Variants in HEATR4 observed in about 807,000 individuals in gnomAD.
HEATR4 encodes HEAT repeat containing 4.
Under a neutral mutation model 108.8 loss-of-function variants are expected in HEATR4, and 95 were observed. The ratio of observed to expected loss-of-function variants is 0.87; its 90% CI spans 0.74 to 1.04. The LOEUF (loss-of-function observed/expected upper bound fraction) is 1.04. Ranked by LOEUF, HEATR4 falls within the 50% of genes least tolerant of loss-of-function variation. The pLI, the probability that HEATR4 is intolerant of heterozygous loss-of-function variation, is 0.00. For missense variants in HEATR4, 1,152 were observed against 1,253.8 expected (o/e 0.92, Z 1.23); for synonymous variants, 443 against 459.4 (o/e 0.96, Z 0.46).
At chr14:73,510,758 T>G (rs1280478973) in intron 7 of HEATR4, among the ~76,000 whole-genome samples, 1 of 152,150 alleles carries the variant, frequency 6.6e-6, no homozygotes, top group Admixed American at 6.5e-5. Flanking sequence ...CTTGAGGCTG[T>G]CTTGAGCATT....
At chr14:73,580,994 A>G in the HEATR4 span, 1 of 152,032 alleles carries the variant, frequency 6.6e-6, no homozygotes, top group Non-Finnish European at 1.5e-5. Flanking sequence ...TGGCCTCTCA[A>G]AGTGCTGGGA....
At chr14:73,542,556 C>T (rs1889123318) in intron 1 of HEATR4, among the ~76,000 whole-genome samples, 1 of 106,406 alleles carries the variant, frequency 9.4e-6, no homozygotes, top group Non-Finnish European at 2.0e-5. Context: ...AGGCGCATGC[C>T]ACTTCTGCCT....
chr14:73,501,715 C>A (rs1886475501), intron 11 of HEATR4, among the ~76,000 whole-genome samples: 2 of 151,804 alleles, frequency 1.3e-5, no homozygotes, highest in Middle Eastern at 3.4e-3. Context: ...GCTGGGACTA[C>A]AGGCATACAC....
intron 7 of HEATR4, among the ~76,000 whole-genome samples, chr14:73,511,365 A>C (rs1411031653): frequency 2.0e-5 from 3 of 151,648 alleles, no homozygotes; most frequent in Admixed American, 2.0e-4. Context: ...ATACAAAAAA[A>C]TGAGCTGGGC....
chr14:73,556,697 G>T (rs1889402030), intron 1 of HEATR4, among the ~76,000 whole-genome samples: 1 of 114,672 alleles, frequency 8.7e-6, no homozygotes, highest in African/African-American at 2.8e-5. Flanking sequence ...TCTGAAAATT[G>T]AGTCTGATAC....
At chr14:73,571,932 T>C in the HEATR4 span, among the ~76,000 whole-genome samples, 2 of 151,802 alleles carry the variant, frequency 1.3e-5, no homozygotes, top group African/African-American at 2.4e-5. Context: ...ATGATGCTTA[T>C]CCTTATTAAT....
the HEATR4 span, among the ~76,000 whole-genome samples, chr14:73,614,632 A>C: frequency 2.0e-5 from 3 of 151,974 alleles, no homozygotes; most frequent in Non-Finnish European, 4.4e-5. Flanking sequence ...ATGTAGTCCC[A>C]GCTACTAGGG....
chr14:73,600,639 CAG>C, the HEATR4 span, among the ~76,000 whole-genome samples: 1 of 151,750 alleles, frequency 6.6e-6, no homozygotes, highest in Non-Finnish European at 1.5e-5. Context: ...TTAGTAGAGA[CAG>C]GGTTTCACCA....
At chr14:73,579,367 G>A in the HEATR4 span, among the ~76,000 whole-genome samples, 1 of 149,204 alleles carries the variant, frequency 6.7e-6, no homozygotes. Flanking sequence ...ATGAGGTCGG[G>A]AGTCTGAGAC....
chr14:73,590,957 G>A, the HEATR4 span, among the ~76,000 whole-genome samples: 1 of 152,246 alleles, frequency 6.6e-6, no homozygotes, highest in African/African-American at 2.4e-5. Context: ...CGCCGACAGC[G>A]AGCGAGGGCA....
At position 73,523,040 on chromosome 14, in the gene HEATR4, T is replaced by A; in HGVS notation, c.113A>T (p.Glu38Val). The A allele has an allele frequency of 6.2e-7, 1 of 1,614,174 alleles. No individual in the cohort carries two copies. Among genetic ancestry groups the A allele is most frequent in the Non-Finnish European group, 8.5e-7 (1 of 1,180,034 alleles). The change falls in exon 3 of 18, where the codon GAG becomes GTG. Residue 38 changes from glutamate (E) to valine (V), a missense_variant. Glu to Val is a moderately radical substitution (Grantham distance 121). Coordinates refer to ENST00000553558, the MANE Select transcript of HEATR4 (RefSeq NM_001220484.1). Reference sequence around the variant, plus strand: ...CACACTGGAGACAGAGGCACACTCCTCCTTGCCTTTCAATTTTGAGTAGTT... The same window carrying A: ...CACACTGGAGACAGAGGCACACTCCACCTTGCCTTTCAATTTTGAGTAGTT... ...ILNYSKLKGKEECASVSSVPM... is the reference protein window; with the variant it reads ...ILNYSKLKGKVECASVSSVPM...
At chr14:73,528,367 GGAC>G (rs1236532689) in intron 2 of HEATR4, among the ~76,000 whole-genome samples, 1 of 121,666 alleles carries the variant, frequency 8.2e-6, no homozygotes, top group African/African-American at 3.3e-5. Flanking sequence ...ACTCCAGCCT[GGAC>G]GACAAGAGCG....
chr14:73,568,166 C>CG, the HEATR4 span: 1 of 151,882 alleles, frequency 6.6e-6, no homozygotes, highest in African/African-American at 2.4e-5. Flanking sequence ...TGATTAATGA[C>CG]GTGGGACATG....
At chr14:73,601,426 T>TGGGGGGG in the HEATR4 span, among the ~76,000 whole-genome samples, 1 of 152,114 alleles carries the variant, frequency 6.6e-6, no homozygotes, top group Non-Finnish European at 1.5e-5. Context: ...TAGCTGGGCA[T>TGGGGGGG]GGTGGCGCAC....
the HEATR4 span, among the ~76,000 whole-genome samples, chr14:73,618,261 A>T: frequency 6.6e-6 from 1 of 152,194 alleles, no homozygotes; most frequent in Non-Finnish European, 1.5e-5. Flanking sequence ...ATGTTAAGAT[A>T]TAAGATGTTC....
In HEATR4 at chr14:73,496,590, C is replaced by T. The variant is rs1320774731; in HGVS notation, c.2625+11G>A. ...AATTTTCTCTTGAGAACAGAGCTTG[C>T]ACTTATTTACCCTGTTCTTGATCTC... On this transcript the variant is annotated intron_variant, in intron 15 of 17. Coordinates refer to ENST00000553558, the MANE Select transcript of HEATR4 (RefSeq NM_001220484.1). The T allele has an allele frequency of 1.3e-6, 2 of 1,562,832 alleles. No homozygotes were observed. The highest frequency in any genetic ancestry group is 2.2e-5 in the East Asian group (1 of 44,632).
chr14:73,579,265 TAAAAAAAAAAAAAAA>T, the HEATR4 span, among the ~76,000 whole-genome samples: 3 of 70,836 alleles, frequency 4.2e-5, 1 homozygote, highest in Non-Finnish European at 7.8e-5. Flanking sequence ...TCAAAAAAAT[TAAAAAAAAAAAAAAA>T]AAAAAAAAAA....
chr14:73,580,491 T>C, the HEATR4 span, among the ~76,000 whole-genome samples: 123,700 of 151,780 alleles, frequency 0.81, 51,226 homozygotes, highest in African/African-American at 0.95. Flanking sequence ...GAAGTGAGTG[T>C]AGTTATTTGC....
At chr14:73,579,645 G>A in the HEATR4 span, among the ~76,000 whole-genome samples, 7,609 of 150,826 alleles carry the variant, frequency 0.05, 355 homozygotes, top group African/African-American at 0.11. Flanking sequence ...TTAAACACCT[G>A]GGCTCAGGCA....
Sources: gnomAD v4.1 joint callset for allele counts (sites outside exome capture counted in the v4.1 genomes callset) on GRCh38, gnomAD v4.1.1 for gene constraint, MANE v1.5 for transcripts, NCBI Gene and HGNC (gene_info 2026-07-23, HGNC 2026-07-21) for gene names.